The following DOCK5 variants were observed in gnomAD, a reference collection of about 807,000 sequenced individuals.
The protein encoded by DOCK5 is dedicator of cytokinesis protein 5.
Under a neutral mutation model 251.8 loss-of-function variants are expected in DOCK5, and 142 were observed. That is an observed-to-expected ratio of 0.56 (90% CI 0.49 to 0.65). DOCK5 has a LOEUF of 0.65. DOCK5 is among the 30% of genes least tolerant of loss of function. The probability of loss-of-function intolerance (pLI) is 0.00; values close to 1 mark genes in which losing one functional copy is unlikely to be tolerated. For synonymous variants in DOCK5, 842 were observed against 835.5 expected, an observed-to-expected ratio of 1.01 and a Z score of -0.13; for missense variants, 2,111 against 2,312.3, an observed-to-expected ratio of 0.91 and a Z score of 1.79.
At chr8:25,227,454 T>C (rs546243920) in intron 1 of DOCK5, among the ~76,000 whole-genome samples, 27 of 152,342 alleles carry the variant, frequency 1.8e-4, no homozygotes, top group Non-Finnish European at 3.2e-4. Flanking sequence ...CATAATTATA[T>C]GCATTTTGGA....
intron 4 of DOCK5, chr8:25,277,187 G>A (rs1804063250): frequency 6.5e-6 from 1 of 154,008 alleles, no homozygotes; most frequent in South Asian, 1.8e-4. Flanking sequence ...GTCTGTAACT[G>A]ATAATAGGGC....
At chr8:25,361,815 C>T (rs560178639) in intron 28 of DOCK5, among the ~76,000 whole-genome samples, 26 of 152,220 alleles carry the variant, frequency 1.7e-4, no homozygotes, top group Middle Eastern at 6.8e-3. Flanking sequence ...TAGGAAGTTA[C>T]CCAGCTTGAC....
intron 33 of DOCK5, 48 bp downstream of exon 33, chr8:25,368,773 A>C (rs1276063727): frequency 1.3e-6 from 2 of 1,554,406 alleles, no homozygotes; most frequent in African/African-American, 1.4e-5. Flanking sequence ...CATATAGTCA[A>C]ATCATAACTC....
intron 1 of DOCK5, among the ~76,000 whole-genome samples, chr8:25,196,767 A>G (rs1801737272): frequency 6.6e-6 from 1 of 152,206 alleles, no homozygotes; most frequent in Admixed American, 6.5e-5. Flanking sequence ...CAATGCAATG[A>G]CGTTATAATG....
chr8:25,244,542 A>G (rs10091406), intron 2 of DOCK5, among the ~76,000 whole-genome samples: 3,680 of 152,370 alleles, frequency 0.024, 125 homozygotes, highest in African/African-American at 0.081. Context: ...GTTAGGGTAC[A>G]AATGAGGTGG....
chr8:25,347,601 A>G (rs1024642186), intron 26 of DOCK5, among the ~76,000 whole-genome samples: 1 of 152,160 alleles, frequency 6.6e-6, no homozygotes, highest in African/African-American at 2.4e-5. Context: ...GTAAAGCTCC[A>G]CGCCCTATAA....
chr8:25,262,782 A>T (rs1235718873), intron 2 of DOCK5, among the ~76,000 whole-genome samples: 1 of 151,958 alleles, frequency 6.6e-6, no homozygotes, highest in East Asian at 1.9e-4. Flanking sequence ...AACGATGCAG[A>T]TACCCATTAA....
chr8:25,395,306 T>G lies in DOCK5; in HGVS notation c.4528-237T>G, dbSNP rs568396860. ...AGTGGCTATAAATACAGATGAAGCTTCCCTCACTTACCTGTCGCTCACCTC... is the reference window on the plus strand; with the variant it reads ...AGTGGCTATAAATACAGATGAAGCTGCCCTCACTTACCTGTCGCTCACCTC... On this transcript the variant is annotated intron_variant, in intron 44 of 51. Coordinates refer to ENST00000276440, the MANE Select transcript of DOCK5 (RefSeq NM_024940.8). Among the ~76,000 whole-genome samples the G allele has an allele frequency of 2.0e-5, 3 of 152,232 alleles. No individual in the cohort carries two copies. The South Asian group carries it at 6.2e-4, about 32-fold the overall frequency.
intron 34 of DOCK5, among the ~76,000 whole-genome samples, chr8:25,372,285 G>A (rs961765223): frequency 6.6e-6 from 1 of 152,252 alleles, no homozygotes; most frequent in Non-Finnish European, 1.5e-5. Context: ...TGTGTGCTCA[G>A]ATTCTAAGTG....
At chr8:25,377,607 GT>G (rs1378495145) in intron 38 of DOCK5, among the ~76,000 whole-genome samples, 183 bp downstream of exon 38, 1 of 152,192 alleles carries the variant, frequency 6.6e-6, no homozygotes, top group Middle Eastern at 3.2e-3. Flanking sequence ...TCCATTCACA[GT>G]TCTGGGCAAC....
At chr8:25,264,176 G>A (rs1341839018) in intron 2 of DOCK5, among the ~76,000 whole-genome samples, 1 of 151,490 alleles carries the variant, frequency 6.6e-6, no homozygotes, top group African/African-American at 2.4e-5. Flanking sequence ...CAGCCTGACA[G>A]CATGGGGAGA....
At chr8:25,246,138 T>G (rs953258253) in intron 2 of DOCK5, among the ~76,000 whole-genome samples, 20 of 152,234 alleles carry the variant, frequency 1.3e-4, no homozygotes, top group African/African-American at 4.8e-4. Flanking sequence ...TGTCTTACTC[T>G]GTGTTGTGTA....
chr8:25,243,774 T>C lies in DOCK5; in HGVS notation c.127+17T>C, dbSNP rs75920458. 2 of 1,611,744 alleles carry C rather than the reference T, an allele frequency of 1.2e-6. No homozygotes were observed. Among genetic ancestry groups the C allele is most frequent in the Non-Finnish European group, 1.7e-6 (2 of 1,178,326 alleles). The stretch of plus-strand genomic sequence containing the variant: ...TGTACGAGGGTAAGTCTGGCTGGCC[T>C]TCTGCCAGATGAGGGCAAGGGAAAA... On this transcript the variant is annotated intron_variant, in intron 2 of 51. Coordinates refer to ENST00000276440, the MANE Select transcript of DOCK5 (RefSeq NM_024940.8).
chr8:25,332,813 G>A, intron 20 of DOCK5, 121 bp downstream of exon 20: 1 of 744,706 alleles, frequency 1.3e-6, no homozygotes, highest in Non-Finnish European at 2.0e-6. Context: ...CATCTCTCTG[G>A]TTATTGTTTT....
Position 25,323,900 on chromosome 8 carries a change from C to A in DOCK5, c.1668C>A (p.Asn556Lys), listed in dbSNP as rs549415609. Residue 556 changes from asparagine to lysine, a missense_variant, in exon 17 of 52, where the codon AAC becomes AAA. Physicochemically the swap from Asn to Lys is moderately conservative, Grantham distance 94 (BLOSUM62 0). Around this residue, in one of 3 missense-constraint regions of DOCK5, gnomAD observed 1,717 missense variants for 1,892.4 expected, o/e 0.91. Coordinates refer to ENST00000276440, the MANE Select transcript of DOCK5 (RefSeq NM_024940.8). ...AFGVAFVKLM[N>K]PDGTTLQDGR... ...GGGTGGCCTTCGTGAAGCTGATGAA[C>A]CCGGATGGCACCACTCTGCAGGATG... The A allele has an allele frequency of 6.2e-7, 1 of 1,613,328 alleles. No individual in the cohort carries two copies. The highest frequency in any genetic ancestry group is 8.5e-7 in the Non-Finnish European group (1 of 1,179,704).
At chr8:25,205,044 T>G (rs1801967690) in intron 1 of DOCK5, among the ~76,000 whole-genome samples, 1 of 152,074 alleles carries the variant, frequency 6.6e-6, no homozygotes, top group African/African-American at 2.4e-5. Context: ...AAAAAATTAT[T>G]TTTAAAAATG....
Position 25,377,326 on chromosome 8 carries a change from C to T in DOCK5, c.3838C>T (p.Pro1280Ser). 1 of 1,612,848 alleles carries T rather than the reference C, an allele frequency of 6.2e-7. No homozygotes were observed. The highest frequency in any genetic ancestry group is 1.3e-5 in the African/African-American group (1 of 75,004). The change falls in exon 38 of 52, where the codon CCT becomes TCT. Residue 1280 changes from proline to serine, a missense_variant. Physicochemically the swap from Pro to Ser is moderately conservative, Grantham distance 74 (BLOSUM62 -1). Transcript: ENST00000276440. ...LLQWSDKPCV[P>S]HLLQKDSYYV... Reference sequence around the variant, plus strand: ...TCAGTGGTCTGACAAGCCCTGTGTGCCTCATTTGCTTCAGAAGGACAGTTA... The same window carrying T: ...TCAGTGGTCTGACAAGCCCTGTGTGTCTCATTTGCTTCAGAAGGACAGTTA...
intron 2 of DOCK5, among the ~76,000 whole-genome samples, chr8:25,251,185 G>A (rs769832988): frequency 6.6e-6 from 1 of 152,154 alleles, no homozygotes; most frequent in Non-Finnish European, 1.5e-5. Flanking sequence ...TCACGAGAAA[G>A]GGCGGCTGGT....
At chr8:25,407,893 A>G (rs1460436298) in intron 48 of DOCK5, 90 bp from the exon 49 acceptor site, 8 of 1,333,616 alleles carry the variant, frequency 6.0e-6, no homozygotes, top group Non-Finnish European at 8.0e-6. Flanking sequence ...AAAATAGCCT[A>G]AAGAGTCATA....
Sources: allele counts gnomAD v4.1 joint callset (sites outside exome capture counted in the v4.1 genomes callset), GRCh38; gene constraint gnomAD v4.1.1; regional missense constraint gnomAD v4.1.1; transcripts MANE v1.5; gene names NCBI Gene and HGNC (gene_info 2026-07-23, HGNC 2026-07-21).